The following EGFR variants were observed in gnomAD, a reference collection of about 807,000 sequenced individuals.
EGFR encodes the protein avian erythroblastic leukemia viral (v-erb-b) oncogene homolog.
In EGFR, 58 loss-of-function variants were observed where a neutral mutation model predicts 143.0. The ratio of observed to expected loss-of-function variants is 0.41; its 90% CI spans 0.33 to 0.50. The LOEUF is 0.50. Ranked by LOEUF, EGFR falls within the 20% of genes least tolerant of loss-of-function variation. The pLI is 0.39. For missense variants in EGFR, 1,307 were observed against 1,579.0 expected, an observed-to-expected ratio of 0.83 and a Z score of 2.92; for synonymous variants, 613 against 594.4, an observed-to-expected ratio of 1.03 and a Z score of -0.45.
chr7:55,186,695 GTTATTTCTTAAGCAT>G (rs1228512012), intron 20 of EGFR, among the ~76,000 whole-genome samples: 1 of 152,228 alleles, frequency 6.6e-6, no homozygotes, highest in Non-Finnish European at 1.5e-5. Context: ...ATTTTGACTA[GTTATTTCTTAAGCAT>G]TTACCTGCTA....
At chr7:55,125,798 T>A (rs1008978488) in intron 1 of EGFR, among the ~76,000 whole-genome samples, 2 of 152,204 alleles carry the variant, frequency 1.3e-5, no homozygotes, top group Non-Finnish European at 2.9e-5. Flanking sequence ...CACTTCCAGA[T>A]GCCATCTAGG....
In EGFR at chr7:55,208,404, G is replaced by A. The variant is rs1788160713; in HGVS notation, c.*2787G>A. ...ATACCCTACAGAAAGCCTGTCCATT[G>A]GCTGTTTCTTCCTCAGTCAGTTCCT... is the stretch of plus-strand genomic sequence containing the variant. On this transcript the variant is annotated 3_prime_UTR_variant, in exon 28 of 28. Coordinates refer to ENST00000275493, the MANE Select transcript of EGFR (RefSeq NM_005228.5). The A allele has an allele frequency of 6.6e-6, 1 of 152,166 alleles. No individual in the cohort carries two copies. Among genetic ancestry groups the A allele is most frequent in the Non-Finnish European group, 1.5e-5 (1 of 68,066 alleles). 9.4% of individuals were successfully genotyped at this position (152,166 alleles called of 1,614,324 possible). A position where few individuals can be genotyped will look rare whatever the true frequency, so the allele number is the denominator to read the frequency against.
chr7:55,046,125 C>T (rs1047559236), intron 1 of EGFR, among the ~76,000 whole-genome samples: 2 of 152,116 alleles, frequency 1.3e-5, no homozygotes, highest in African/African-American at 2.4e-5. Flanking sequence ...TGGACAGCAG[C>T]GCTCTAGACA....
intron 1 of EGFR, among the ~76,000 whole-genome samples, chr7:55,093,579 C>T (rs1424969195): frequency 6.6e-6 from 1 of 152,194 alleles, no homozygotes. Flanking sequence ...CTTCCCTTGT[C>T]CTTTCCTATC....
chr7:55,053,765 C>T (rs1323360164), intron 1 of EGFR, among the ~76,000 whole-genome samples: 1 of 152,254 alleles, frequency 6.6e-6, no homozygotes, highest in Non-Finnish European at 1.5e-5. Flanking sequence ...TCGCAGGAAC[C>T]TCAGCAGGGC....
intron 1 of EGFR, among the ~76,000 whole-genome samples, chr7:55,053,396 T>C (rs752442455): frequency 5.3e-5 from 8 of 152,136 alleles, no homozygotes; most frequent in Non-Finnish European, 1.0e-4. Context: ...GGATGGGGCC[T>C]GGTCTAAGCC....
intron 19 of EGFR, chr7:55,179,687 C>T (rs1468635599): frequency 6.6e-6 from 1 of 152,316 alleles, no homozygotes. Context: ...GTTTGCCCTC[C>T]ATGTCTGCAG....
intron 1 of EGFR, among the ~76,000 whole-genome samples, chr7:55,085,822 A>C (rs1382980861): frequency 6.6e-6 from 1 of 152,182 alleles, no homozygotes; most frequent in Non-Finnish European, 1.5e-5. Flanking sequence ...TCTTTTAAAA[A>C]TAAGGAAATG....
chr7:55,032,285 A>AG (rs1365017288), intron 1 of EGFR, among the ~76,000 whole-genome samples: 9 of 152,218 alleles, frequency 5.9e-5, no homozygotes, highest in Admixed American at 3.9e-4. Flanking sequence ...TATCATCCTT[A>AG]GAGGCAGACA....
intron 1 of EGFR, among the ~76,000 whole-genome samples, chr7:55,107,840 C>A (rs890333544): frequency 2.6e-5 from 4 of 152,152 alleles, no homozygotes; most frequent in Non-Finnish European, 4.4e-5. Context: ...AAAAGACACG[C>A]CTACTTGTAA....
intron 22 of EGFR, among the ~76,000 whole-genome samples, chr7:55,195,710 C>T (rs1562801391): frequency 6.6e-6 from 1 of 152,100 alleles, no homozygotes; most frequent in Non-Finnish European, 1.5e-5. Context: ...TGTGTTGTTC[C>T]CCTCTAAGTG....
chr7:55,027,176 A>T (rs1786943825), intron 1 of EGFR, among the ~76,000 whole-genome samples: 1 of 152,228 alleles, frequency 6.6e-6, no homozygotes, highest in Non-Finnish European at 1.5e-5. Flanking sequence ...GGAAGGGCTG[A>T]GAAAGAGAGA....
intron 3 of EGFR, among the ~76,000 whole-genome samples, chr7:55,145,829 T>A (rs948446378): frequency 6.6e-6 from 1 of 152,136 alleles, no homozygotes; most frequent in Non-Finnish European, 1.5e-5. Flanking sequence ...GTGTGTGACA[T>A]GTCTGTCCCC....
chr7:55,092,290 A>T (rs6972246), intron 1 of EGFR, among the ~76,000 whole-genome samples: 1 of 152,104 alleles, frequency 6.6e-6, no homozygotes, highest in African/African-American at 2.4e-5. Flanking sequence ...TGTATTTGAG[A>T]AGCCCAGGAG....
At chr7:55,092,759 C>A (rs1385311871) in intron 1 of EGFR, among the ~76,000 whole-genome samples, 1 of 152,242 alleles carries the variant, frequency 6.6e-6, no homozygotes, top group Non-Finnish European at 1.5e-5. Flanking sequence ...GATAGCTCGG[C>A]CTGCCCCGGC....
rs73696536 is a variant in EGFR, at chr7:55,113,283, T to A, written c.89-29003T>A. Among the ~76,000 whole-genome samples the A allele has an allele frequency of 8.4e-3, 1,280 of 152,338 alleles. 19 individuals carry two copies. The highest frequency in any genetic ancestry group is 0.029 in the African/African-American group (1,190 of 41,584). On this transcript the variant is annotated intron_variant, in intron 1 of 27. Coordinates refer to ENST00000275493, the MANE Select transcript of EGFR (RefSeq NM_005228.5). ...AGCTCTGCCTCATGGTCGTGTTGAC[T>A]GTGTGAGACTATGTGAGTGCCTGCT... is the stretch of plus-strand genomic sequence containing the variant.
At chr7:55,133,251 A>G (rs1006332296) in intron 1 of EGFR, among the ~76,000 whole-genome samples, 1 of 152,202 alleles carries the variant, frequency 6.6e-6, no homozygotes, top group Non-Finnish European at 1.5e-5. Flanking sequence ...GCACCCTGGC[A>G]GGCAGCACTG....
At chr7:55,111,874 C>T in intron 1 of EGFR, among the ~76,000 whole-genome samples, 1 of 152,236 alleles carries the variant, frequency 6.6e-6, no homozygotes, top group Non-Finnish European at 1.5e-5. Flanking sequence ...TTTGCTTCTA[C>T]ATCACTGTGT....
At chr7:55,178,654 A>T (rs977452486) in intron 19 of EGFR, among the ~76,000 whole-genome samples, 9 of 152,264 alleles carry the variant, frequency 5.9e-5, no homozygotes, top group Non-Finnish European at 1.0e-4. Context: ...TCCAGTTCTG[A>T]CTTTTTATAA....
Sources: gnomAD v4.1 joint callset for allele counts (sites outside exome capture counted in the v4.1 genomes callset) on GRCh38, gnomAD v4.1.1 for gene constraint, MANE v1.5 for transcripts, NCBI Gene and HGNC (gene_info 2026-07-23, HGNC 2026-07-21) for gene names.